Variants in KCMF1 observed in about 807,000 individuals in gnomAD.
The protein encoded by KCMF1 is potassium channel modulatory factor 1.
Under a neutral mutation model 41.1 loss-of-function variants are expected in KCMF1, and 3 were observed. The observed-to-expected ratio is 0.07, with a 90% CI of 0.03 to 0.19. The LOEUF is 0.19. Among genes scored for constraint, KCMF1 ranks in the 10% least tolerant of loss-of-function variants. The pLI is 1.00. For synonymous variants in KCMF1, 142 were observed against 164.5 expected (o/e 0.86, Z 1.04); for missense variants, 286 against 488.9 (o/e 0.58, Z 3.91).
intron 1 of KCMF1, chr2:85,013,791 C>G (rs1387461284): frequency 7.0e-6 from 1 of 142,250 alleles, no homozygotes; most frequent in African/African-American, 2.7e-5. Context: ...GAGCGAGACT[C>G]TGTCTCAAAA....
rs571421318 is a variant in KCMF1, at chr2:85,021,886, G to A, written c.17-6003G>A. Among the ~76,000 whole-genome samples the A allele has an allele frequency of 2.8e-3, 422 of 152,068 alleles. 1 individual carries two copies. Among genetic ancestry groups the A allele is most frequent in the Non-Finnish European group, 4.8e-3 (324 of 67,960 alleles). ...GGCTGAAGTACAATGGTGCGATCTC[G>A]GCTCACTACAACCTCCGCCTCCCAG... On this transcript the variant is annotated intron_variant, in intron 1 of 6. Transcript: ENST00000409785.
At chr2:85,015,590 G>A (rs1210154834) in intron 1 of KCMF1, among the ~76,000 whole-genome samples, 1 of 152,038 alleles carries the variant, frequency 6.6e-6, no homozygotes, top group East Asian at 1.9e-4. Context: ...ATTCCAAAGT[G>A]GACCAAGTTC....
intron 3 of KCMF1, among the ~76,000 whole-genome samples, chr2:85,039,914 G>C (rs1675486047): frequency 6.6e-6 from 1 of 152,124 alleles, no homozygotes; most frequent in Non-Finnish European, 1.5e-5. Flanking sequence ...CCAAGTTCAA[G>C]CAATTCTCCT....
chr2:85,030,725 G>A (rs568671922), intron 2 of KCMF1, among the ~76,000 whole-genome samples: 8 of 152,214 alleles, frequency 5.3e-5, no homozygotes, highest in Admixed American at 5.2e-4. Flanking sequence ...TTGACACAGA[G>A]TCTCACTTTC....
intron 4 of KCMF1, 138 bp downstream of exon 4, chr2:85,043,803 G>T: frequency 1.5e-6 from 1 of 672,790 alleles, no homozygotes; most frequent in Non-Finnish European, 2.7e-6. Flanking sequence ...TCCTGCTTCA[G>T]CCTCTTGAGT....
In KCMF1 at chr2:85,057,592, G is replaced by C. The variant is rs1675965325; in HGVS notation, c.*4183G>C. 1 of 152,196 alleles carries C rather than the reference G, an allele frequency of 6.6e-6. No homozygotes were observed. Among genetic ancestry groups the C allele is most frequent in the African/African-American group, 2.4e-5 (1 of 41,440 alleles). 9.4% of individuals were successfully genotyped at this position (152,196 alleles called of 1,614,324 possible). ...ATTCAAGTGACTGTTTTTCTGAATA[G>C]TATAAAAATCTAATTCCCTGTGCTT... On this transcript the variant is annotated 3_prime_UTR_variant, in exon 7 of 7. Coordinates refer to ENST00000409785, the MANE Select transcript of KCMF1 (RefSeq NM_020122.5).
At chr2:85,000,358 C>T (rs976837688) in intron 1 of KCMF1, among the ~76,000 whole-genome samples, 11 of 152,274 alleles carry the variant, frequency 7.2e-5, no homozygotes, top group Non-Finnish European at 1.5e-4. Flanking sequence ...CTCCTGACCT[C>T]GTGATCCGCC....
intron 1 of KCMF1, among the ~76,000 whole-genome samples, chr2:85,004,739 C>T (rs968850567): frequency 6.6e-6 from 1 of 152,108 alleles, no homozygotes; most frequent in Non-Finnish European, 1.5e-5. Flanking sequence ...GGTCATGCCT[C>T]AGTCTTCTAT....
At chr2:85,042,423 C>G (rs142547442) in intron 3 of KCMF1, among the ~76,000 whole-genome samples, 23 of 152,316 alleles carry the variant, frequency 1.5e-4, no homozygotes, top group African/African-American at 5.1e-4. Context: ...TCATCTCCAG[C>G]GCTACCACCT....
intron 1 of KCMF1, among the ~76,000 whole-genome samples, chr2:84,983,988 A>G (rs1673833681): frequency 6.6e-6 from 1 of 152,026 alleles, no homozygotes; most frequent in Admixed American, 6.5e-5. Context: ...TTTAATTCAA[A>G]TGCTAAATTT....
intron 1 of KCMF1, among the ~76,000 whole-genome samples, chr2:85,000,950 T>TTGGGTTTGTTTTGTTTTGTTTTG (rs1674311583): frequency 6.6e-6 from 1 of 151,092 alleles, no homozygotes; most frequent in Non-Finnish European, 1.5e-5. Flanking sequence ...AGCTAAAGTT[T>TTGGGTTTGTTTTGTTTTGTTTTG]TGGGTTTGTT....
At chr2:84,981,508 G>GT (rs891285612) in intron 1 of KCMF1, among the ~76,000 whole-genome samples, 19 of 151,856 alleles carry the variant, frequency 1.3e-4, no homozygotes, top group South Asian at 2.1e-4. Context: ...GAATTTTAAT[G>GT]TTTTTTTAAT....
At chr2:84,984,144 G>T (rs1185034427) in intron 1 of KCMF1, among the ~76,000 whole-genome samples, 1 of 152,148 alleles carries the variant, frequency 6.6e-6, no homozygotes, top group Non-Finnish European at 1.5e-5. Context: ...ACTTTGGGAG[G>T]CTGAGGAAGG....
At chr2:84,985,912 A>T (rs1673890868) in intron 1 of KCMF1, among the ~76,000 whole-genome samples, 1 of 152,198 alleles carries the variant, frequency 6.6e-6, no homozygotes, top group South Asian at 2.1e-4. Flanking sequence ...TATAACACAG[A>T]AATATATTTT....
rs886992540 is a variant in KCMF1, at chr2:85,006,844, C to G, written c.17-21045C>G. Among the ~76,000 whole-genome samples the G allele has an allele frequency of 1.3e-4, 20 of 151,472 alleles. No individual in the cohort carries two copies. The East Asian group carries it at 3.9e-3, about 30-fold the overall frequency. On this transcript the variant is annotated intron_variant, in intron 1 of 6. Transcript: ENST00000409785. ...GAACATCTCGGCCAGGCGCGGTGCT[C>G]ATGCCTGTAATCCCAGCACTTACGG... is the stretch of plus-strand genomic sequence containing the variant.
At chr2:84,983,945 A>C (rs1255028030) in intron 1 of KCMF1, among the ~76,000 whole-genome samples, 1 of 152,230 alleles carries the variant, frequency 6.6e-6, no homozygotes, top group Non-Finnish European at 1.5e-5. Flanking sequence ...TCCCAGCCAA[A>C]GTCTTAAATC....
At chr2:84,995,231 A>G (rs558505282) in intron 1 of KCMF1, among the ~76,000 whole-genome samples, 153 of 152,076 alleles carry the variant, frequency 1.0e-3, no homozygotes, top group Non-Finnish European at 1.3e-3. Flanking sequence ...CATGTTGGTC[A>G]GGCTTGTCTG....
At chr2:84,985,329 C>T (rs540359631) in intron 1 of KCMF1, among the ~76,000 whole-genome samples, 8 of 152,288 alleles carry the variant, frequency 5.3e-5, no homozygotes, top group South Asian at 4.1e-4. Context: ...GTCTTTTTGA[C>T]TAACTAAATG....
At chr2:85,006,135 A>C (rs1674464484) in intron 1 of KCMF1, among the ~76,000 whole-genome samples, 1 of 151,062 alleles carries the variant, frequency 6.6e-6, no homozygotes, top group South Asian at 2.1e-4. Flanking sequence ...ATTTCTCCCT[A>C]CTTGTTGTCA....
Sources: gnomAD v4.1 joint callset for allele counts (sites outside exome capture counted in the v4.1 genomes callset) on GRCh38, gnomAD v4.1.1 for gene constraint, MANE v1.5 for transcripts, NCBI Gene and HGNC (gene_info 2026-07-23, HGNC 2026-07-21) for gene names.